The following WWOX variants were observed in gnomAD, a reference collection of about 807,000 sequenced individuals.
WWOX encodes WW domain containing oxidoreductase.
A neutral mutation model predicts 46.2 loss-of-function variants in WWOX; 69 were observed. The ratio of observed to expected loss-of-function variants is 1.49; its 90% confidence interval spans 1.23 to 1.82. WWOX has a LOEUF of 1.82. Ranked by LOEUF, WWOX falls within the 40% of genes most tolerant of loss-of-function variation. The probability of loss-of-function intolerance (pLI) is 0.00; values close to 1 mark genes in which losing one functional copy is unlikely to be tolerated. For missense variants in WWOX, 919 were observed against 542.6 expected, an observed-to-expected ratio of 1.69 and a Z score of -6.89; for synonymous variants, 359 against 202.6, an observed-to-expected ratio of 1.77 and a Z score of -6.56.
chr16:78,895,141 C>T (rs959387956), intron 8 of WWOX, among the ~76,000 whole-genome samples: 10 of 152,122 alleles, frequency 6.6e-5, no homozygotes, highest in Admixed American at 2.0e-4. Context: ...GTGTAATATC[C>T]GCTTTTTCAA....
At chr16:78,513,181 T>C (rs891944894) in intron 8 of WWOX, among the ~76,000 whole-genome samples, 1 of 152,198 alleles carries the variant, frequency 6.6e-6, no homozygotes, top group African/African-American at 2.4e-5. Flanking sequence ...CCTCAAATCA[T>C]TTTTGGAAGG....
intron 8 of WWOX, among the ~76,000 whole-genome samples, chr16:78,717,230 A>C (rs757416918): frequency 8.5e-5 from 13 of 152,208 alleles, no homozygotes; most frequent in Admixed American, 7.2e-4. Context: ...AATTTAAATC[A>C]ATTCATTAAG....
intron 8 of WWOX, among the ~76,000 whole-genome samples, chr16:78,866,169 T>G (rs1406149103): frequency 2.0e-5 from 3 of 152,116 alleles, no homozygotes; most frequent in Non-Finnish European, 4.4e-5. Context: ...TAACTTTTGT[T>G]TAGTAGTTGT....
chr16:78,966,595 C>T (rs557378008), intron 8 of WWOX, among the ~76,000 whole-genome samples: 5 of 151,936 alleles, frequency 3.3e-5, no homozygotes, highest in South Asian at 2.1e-4. Flanking sequence ...TAAAAAGTAA[C>T]ATGTGAATGT....
chr16:78,701,154 G>A (rs534523866), intron 8 of WWOX, among the ~76,000 whole-genome samples: 3 of 152,232 alleles, frequency 2.0e-5, no homozygotes, highest in African/African-American at 7.2e-5. Flanking sequence ...GATACATAAA[G>A]CACTTATAAC....
chr16:78,753,481 G>C (rs1459878331), intron 8 of WWOX, among the ~76,000 whole-genome samples: 1 of 151,964 alleles, frequency 6.6e-6, no homozygotes. Flanking sequence ...TATTACTGCA[G>C]AGTTTTAGTG....
At chr16:79,099,934 C>T (rs756534682) in intron 8 of WWOX, among the ~76,000 whole-genome samples, 3 of 152,160 alleles carry the variant, frequency 2.0e-5, no homozygotes, top group Non-Finnish European at 2.9e-5. Context: ...ATACAGTGGG[C>T]AGTCGAGAGA....
intron 8 of WWOX, among the ~76,000 whole-genome samples, chr16:78,927,370 A>G (rs1275621885): frequency 1.3e-5 from 2 of 152,178 alleles, no homozygotes; most frequent in Non-Finnish European, 1.5e-5. Context: ...TGGTGTAAGT[A>G]TTGATGGAGC....
chr16:78,171,523 G>C (rs745917925), intron 5 of WWOX, among the ~76,000 whole-genome samples: 1 of 152,106 alleles, frequency 6.6e-6, no homozygotes, highest in African/African-American at 2.4e-5. Flanking sequence ...CCTCATGCCT[G>C]TCTAAGCTGG....
chr16:78,637,627 T>C (rs963886479), intron 8 of WWOX, among the ~76,000 whole-genome samples: 1 of 152,106 alleles, frequency 6.6e-6, no homozygotes, highest in African/African-American at 2.4e-5. Flanking sequence ...CAAAGAAAGA[T>C]AAAAGAAGGA....
In WWOX at chr16:78,363,423, A is replaced by C. The variant is rs1325560861; in HGVS notation, c.517-23437A>C. Among the ~76,000 whole-genome samples the C allele has an allele frequency of 2.9e-5, 4 of 138,992 alleles. No homozygotes were observed. In the Admixed American group the frequency reaches 2.9e-4, roughly 10 times the overall value. 91.2% of individuals were successfully genotyped at this position (138,992 alleles called of 152,430 possible). A position where few individuals can be genotyped will look rare whatever the true frequency, so the allele number is the denominator to read the frequency against. On this transcript the variant is annotated intron_variant, in intron 5 of 8. Coordinates refer to ENST00000566780, the MANE Select transcript of WWOX (RefSeq NM_016373.4). ...AAAGTAGCTGGGACCACAGGTGCAC[A>C]CCACCACTTCCAGCTGATTATTTAA... is the stretch of plus-strand genomic sequence containing the variant.
intron 8 of WWOX, among the ~76,000 whole-genome samples, chr16:79,174,102 GT>G (rs1317736041): frequency 6.6e-6 from 1 of 152,140 alleles, no homozygotes; most frequent in Non-Finnish European, 1.5e-5. Context: ...TGAGGGCTTG[GT>G]TCCCATGGCT....
intron 8 of WWOX, among the ~76,000 whole-genome samples, chr16:78,486,148 A>G (rs2738697): frequency 0.3 from 45,352 of 152,042 alleles, 9,326 homozygotes; most frequent in African/African-American, 0.59. Context: ...GTTGGCGGGA[A>G]CTAGGGGAAA....
intron 5 of WWOX, among the ~76,000 whole-genome samples, chr16:78,333,456 G>A (rs566687399): frequency 6.6e-6 from 1 of 152,064 alleles, no homozygotes. Flanking sequence ...AGTGTAATCT[G>A]TTCTGATGTA....
intron 6 of WWOX, among the ~76,000 whole-genome samples, chr16:78,423,351 A>C (rs1047580634): frequency 6.6e-6 from 1 of 152,136 alleles, no homozygotes; most frequent in Non-Finnish European, 1.5e-5. Context: ...ATAGTATTCT[A>C]TCATATGGAT....
rs900256081 is a variant in WWOX at position 78,617,270 on chromosome 16, C to T, written c.1056+184518C>T. On this transcript the variant is annotated intron_variant, in intron 8 of 8. Coordinates refer to ENST00000566780, the MANE Select transcript of WWOX (RefSeq NM_016373.4). ...AGAAAATATTAGGTGGGCGTGGTGGCGTGCACCTGTGGCCTCAGCTACTTA... is the reference window on the plus strand; with the variant it reads ...AGAAAATATTAGGTGGGCGTGGTGGTGTGCACCTGTGGCCTCAGCTACTTA... 7.9e-5 allele frequency among the ~76,000 whole-genome samples: 12 copies of T among 151,796 alleles called. 1 individual carries two copies. The South Asian group carries it at 1.9e-3, about 24-fold the overall frequency.
At chr16:78,358,833 A>G (rs2081350359) in intron 5 of WWOX, among the ~76,000 whole-genome samples, 1 of 147,086 alleles carries the variant, frequency 6.8e-6, no homozygotes, top group African/African-American at 2.5e-5. Context: ...TAAAATTCAA[A>G]TATATTTCAT....
chr16:79,073,243 G>A (rs2048586080), intron 8 of WWOX, among the ~76,000 whole-genome samples: 2 of 151,342 alleles, frequency 1.3e-5, no homozygotes, highest in African/African-American at 4.9e-5. Flanking sequence ...GAAATGGCAC[G>A]ATCGCAGCTC....
At chr16:78,218,762 G>T (rs1324687611) in intron 5 of WWOX, among the ~76,000 whole-genome samples, 2 of 152,242 alleles carry the variant, frequency 1.3e-5, no homozygotes, top group South Asian at 4.1e-4. Context: ...TGTGCGCCGT[G>T]CAGTGTGGAA....
Sources: gnomAD v4.1 joint callset for allele counts (sites outside exome capture counted in the v4.1 genomes callset) on GRCh38, gnomAD v4.1.1 for gene constraint, MANE v1.5 for transcripts, NCBI Gene and HGNC (gene_info 2026-07-23, HGNC 2026-07-21) for gene names.